Variants in SH3RF3 observed in about 807,000 individuals in gnomAD.
The protein encoded by SH3RF3 is E3 ubiquitin-protein ligase SH3RF3.
A neutral mutation model predicts 66.3 loss-of-function variants in SH3RF3; 29 were observed. That is an observed-to-expected ratio of 0.44 (90% CI 0.33 to 0.60). The LOEUF is 0.60. Among genes scored for constraint, SH3RF3 ranks in the 20% least tolerant of loss-of-function variants. The pLI is 0.04. For synonymous variants in SH3RF3, 583 were observed against 532.0 expected, an observed-to-expected ratio of 1.10 and a Z score of -1.32; for missense variants, 1,194 against 1,190.9, an observed-to-expected ratio of 1.00 and a Z score of -0.04.
chr2:109,458,634 G>C (rs1678131773), intron 8 of SH3RF3, among the ~76,000 whole-genome samples: 1 of 135,720 alleles, frequency 7.4e-6, no homozygotes, highest in East Asian at 2.2e-4. Flanking sequence ...TGTGACTGTG[G>C]AGGCTGGCAA....
chr2:109,407,246 C>T (rs1411059210), intron 4 of SH3RF3, among the ~76,000 whole-genome samples: 2 of 152,152 alleles, frequency 1.3e-5, no homozygotes, highest in African/African-American at 2.4e-5. Context: ...AATAAGCAAC[C>T]CTTGGAAATT....
At chr2:109,482,863 G>T (rs1447253364) in intron 8 of SH3RF3, among the ~76,000 whole-genome samples, 1 of 152,126 alleles carries the variant, frequency 6.6e-6, no homozygotes, top group East Asian at 1.9e-4. Context: ...GCACTTCACT[G>T]GCTGCTGCCT....
intron 7 of SH3RF3, among the ~76,000 whole-genome samples, chr2:109,446,366 C>A (rs961184809): frequency 2.0e-5 from 3 of 152,220 alleles, no homozygotes; most frequent in African/African-American, 7.2e-5. Context: ...GTGAATTAAG[C>A]AGCCATGTCC....
chr2:109,434,861 T>G (rs1195260576), intron 6 of SH3RF3, among the ~76,000 whole-genome samples: 1 of 152,212 alleles, frequency 6.6e-6, no homozygotes, highest in South Asian at 2.1e-4. Flanking sequence ...ATCGAATCAA[T>G]AAAAGAAATC....
At chr2:109,196,018 G>A (rs1432876100) in intron 1 of SH3RF3, among the ~76,000 whole-genome samples, 2 of 152,184 alleles carry the variant, frequency 1.3e-5, no homozygotes, top group African/African-American at 2.4e-5. Context: ...AAATCTGTAC[G>A]CACACCTGTT....
chr2:109,452,789 C>G (rs1272128429), intron 8 of SH3RF3, among the ~76,000 whole-genome samples: 1 of 150,876 alleles, frequency 6.6e-6, no homozygotes, highest in African/African-American at 2.4e-5. Flanking sequence ...AGGCTGGTCC[C>G]TGGGAGGCTG....
At chr2:109,166,320 T>TA (rs1391160277) in intron 1 of SH3RF3, among the ~76,000 whole-genome samples, 1 of 151,532 alleles carries the variant, frequency 6.6e-6, no homozygotes, top group Admixed American at 6.6e-5. Context: ...CTACTAAAAA[T>TA]AAAAAAATTA....
intron 1 of SH3RF3, among the ~76,000 whole-genome samples, chr2:109,279,183 C>T (rs1051987773): frequency 9.2e-5 from 14 of 152,268 alleles, no homozygotes; most frequent in African/African-American, 2.6e-4. Flanking sequence ...TCCATGCATA[C>T]GTTTTGGGAA....
intron 6 of SH3RF3, 59 bp downstream of exon 6, chr2:109,432,730 C>T (rs543925720): frequency 2.8e-5 from 44 of 1,551,246 alleles, no homozygotes; most frequent in African/African-American, 2.4e-4. Flanking sequence ...CACGCCTTAC[C>T]GCTGTTGTTA....
At chr2:109,133,722 ATTTTTTTTT>A (rs35011575) in intron 1 of SH3RF3, among the ~76,000 whole-genome samples, 1 of 128,854 alleles carries the variant, frequency 7.8e-6, no homozygotes, top group Non-Finnish European at 1.7e-5. Context: ...CCAAGGGACA[ATTTTTTTTT>A]TTTTTTTTTT....
intron 1 of SH3RF3, among the ~76,000 whole-genome samples, chr2:109,323,918 CT>C (rs1407649699): frequency 7.9e-5 from 12 of 152,214 alleles, no homozygotes; most frequent in Non-Finnish European, 1.0e-4. Flanking sequence ...ATTTCAGAAA[CT>C]TTCCATCACT....
At chr2:109,203,975 A>G (rs1678747809) in intron 1 of SH3RF3, among the ~76,000 whole-genome samples, 1 of 152,314 alleles carries the variant, frequency 6.6e-6, no homozygotes, top group East Asian at 1.9e-4. Context: ...TCCAGTGTGA[A>G]GCATTTGTGG....
intron 8 of SH3RF3, among the ~76,000 whole-genome samples, chr2:109,477,613 GGTGTGT>G (rs71383845): frequency 0.025 from 3,751 of 148,818 alleles, 127 homozygotes; most frequent in African/African-American, 0.084. Context: ...GCCACAGATG[GGTGTGT>G]GTGTGTGTGT....
intron 2 of SH3RF3, among the ~76,000 whole-genome samples, chr2:109,371,027 C>A (rs1264494364): frequency 6.6e-6 from 1 of 152,154 alleles, no homozygotes. Context: ...CATTTTAAAG[C>A]CCTAACTCTG....
At position 109,458,072 on chromosome 2, in the gene SH3RF3, G is replaced by A. The variant is rs561229080; in HGVS notation, c.2148+8583G>A. ...CCATGTGGTGCAGGAGCCGGGGAGG[G>A]CACTCTGTAACCTCAAGGGAATAAG... On this transcript the variant is annotated intron_variant, in intron 8 of 9. Transcript: ENST00000309415. Among the ~76,000 whole-genome samples the A allele has an allele frequency of 2.6e-5, 4 of 152,288 alleles. No homozygotes were observed. The East Asian group carries it at 5.8e-4, about 22-fold the overall frequency.
chr2:109,210,063 C>T (rs1678936828), intron 1 of SH3RF3, among the ~76,000 whole-genome samples: 1 of 152,186 alleles, frequency 6.6e-6, no homozygotes, highest in African/African-American at 2.4e-5. Flanking sequence ...AGTATTTGTC[C>T]TTTTGTGTCT....
At chr2:109,230,489 A>C (rs1359636602) in intron 1 of SH3RF3, among the ~76,000 whole-genome samples, 1 of 152,168 alleles carries the variant, frequency 6.6e-6, no homozygotes, top group Non-Finnish European at 1.5e-5. Context: ...CTGAGGCAGG[A>C]GAATTGCTTG....
rs967132013 is a variant in SH3RF3 at position 109,487,590 on chromosome 2, G to A, written c.2149-3015G>A. Among the ~76,000 whole-genome samples the A allele has an allele frequency of 3.9e-5, 6 of 152,220 alleles. 1 individual carries two copies. The South Asian group carries it at 6.2e-4, about 16-fold the overall frequency. On this transcript the variant is annotated intron_variant, in intron 8 of 9. Transcript: ENST00000309415. ...CAGGAAAATTATCCATCACATTTACGCACCCCACCCTTTCCAAAGCAGACA... is the reference window on the plus strand; with the variant it reads ...CAGGAAAATTATCCATCACATTTACACACCCCACCCTTTCCAAAGCAGACA...
intron 1 of SH3RF3, among the ~76,000 whole-genome samples, chr2:109,301,467 A>G (rs1681467414): frequency 6.6e-6 from 1 of 151,994 alleles, no homozygotes; most frequent in African/African-American, 2.4e-5. Flanking sequence ...TCGCTGTTTG[A>G]TGGCAGGTGT....
Sources: gnomAD v4.1 joint callset for allele counts (sites outside exome capture counted in the v4.1 genomes callset) on GRCh38, gnomAD v4.1.1 for gene constraint, MANE v1.5 for transcripts, NCBI Gene and HGNC (gene_info 2026-07-23, HGNC 2026-07-21) for gene names.